THSD4: variants seen among roughly 807,000 people sequenced by gnomAD.
THSD4 encodes the protein thrombospondin type-1 domain-containing protein 4.
Under a neutral mutation model 119.0 loss-of-function variants are expected in THSD4, and 69 were observed. The observed-to-expected ratio is 0.58, with a 90% CI of 0.48 to 0.71. The LOEUF is 0.71. Among genes scored for constraint, THSD4 ranks in the 30% least tolerant of loss-of-function variants. THSD4 has a pLI of 0.00. For missense variants in THSD4, 1,393 were observed against 1,391.1 expected, an observed-to-expected ratio of 1.00 and a Z score of -0.02; for synonymous variants, 524 against 540.4, an observed-to-expected ratio of 0.97 and a Z score of 0.42.
intron 7 of THSD4, among the ~76,000 whole-genome samples, chr15:71,434,962 G>A (rs74022103): frequency 8.5e-5 from 13 of 152,232 alleles, no homozygotes; most frequent in African/African-American, 3.1e-4. Context: ...CTAAAGAGGT[G>A]CAAAGAAACA....
intron 3 of THSD4, among the ~76,000 whole-genome samples, chr15:71,190,648 G>T (rs529205108): frequency 6.6e-6 from 1 of 152,220 alleles, no homozygotes; most frequent in Non-Finnish European, 1.5e-5. Context: ...GCAGCCAAAG[G>T]CCTGTTGACA....
At chr15:71,558,662 G>A (rs1158750430) in intron 7 of THSD4, among the ~76,000 whole-genome samples, 3 of 151,880 alleles carry the variant, frequency 2.0e-5, no homozygotes, top group Non-Finnish European at 4.4e-5. Flanking sequence ...GTAGAGATGG[G>A]GTCTTTCTAT....
At chr15:71,677,555 T>C (rs531737906) in intron 8 of THSD4, among the ~76,000 whole-genome samples, 1 of 152,364 alleles carries the variant, frequency 6.6e-6, no homozygotes, top group East Asian at 1.9e-4. Flanking sequence ...AGGACAGCTC[T>C]GATGTCCTTG....
At chr15:71,371,162 C>T (rs921358008) in intron 6 of THSD4, among the ~76,000 whole-genome samples, 1 of 152,148 alleles carries the variant, frequency 6.6e-6, no homozygotes, top group Admixed American at 6.6e-5. Flanking sequence ...TATTTTGAGC[C>T]TATGTGTGTC....
At chr15:71,390,849 C>CTTTTTTTTTTTTTTTTT (rs1010882999) in intron 6 of THSD4, among the ~76,000 whole-genome samples, 3 of 90,880 alleles carry the variant, frequency 3.3e-5, no homozygotes, top group African/African-American at 1.3e-4. Flanking sequence ...TTGGCTAAAT[C>CTTTTTTTTTTTTTTTTT]TTTTTTTTTT....
chr15:71,405,622 C>T (rs2046595109), intron 6 of THSD4, among the ~76,000 whole-genome samples: 1 of 152,138 alleles, frequency 6.6e-6, no homozygotes, highest in Admixed American at 6.5e-5. Context: ...AAATATGAAT[C>T]CTCCAGCTGT....
At position 71,735,806 on chromosome 15, in the gene THSD4, G is replaced by C. The variant is rs369584733; in HGVS notation, c.1631-1926G>C. Among the ~76,000 whole-genome samples the C allele has an allele frequency of 3.2e-4, 40 of 123,714 alleles. No homozygotes were observed. In the East Asian group the frequency reaches 9.2e-3, roughly 29 times the overall value. The allele number at this position is 123,714 out of a possible 152,430, so 81.2% of individuals were successfully genotyped here. On this transcript the variant is annotated intron_variant, in intron 10 of 17. Coordinates refer to ENST00000261862, the MANE Select transcript of THSD4 (RefSeq NM_024817.3). Reference sequence around the variant, plus strand: ...TGTCTCTCCTGCTCTCTTGCTTTCTGTCTCTATCTCTCTGTCTCTCTTGCT... The same window carrying C: ...TGTCTCTCCTGCTCTCTTGCTTTCTCTCTCTATCTCTCTGTCTCTCTTGCT...
At chr15:71,652,323 G>A (rs1375111947) in intron 7 of THSD4, among the ~76,000 whole-genome samples, 3 of 152,084 alleles carry the variant, frequency 2.0e-5, no homozygotes, top group Admixed American at 2.0e-4. Flanking sequence ...GACATATTAT[G>A]ATCTCTTTAA....
In THSD4 at chr15:71,762,275, G is replaced by C. The variant is rs1359158911; in HGVS notation, c.2590-2745G>C. 2.0e-5 allele frequency among the ~76,000 whole-genome samples: 3 copies of C among 152,040 alleles called. No individual in the cohort carries two copies. In the South Asian group the frequency reaches 6.2e-4, roughly 32 times the overall value. ...ATTTACAGTAAGAGAAGGCTGAGAC[G>C]GGCTCATTCTCCCTGAAGTACACAA... On this transcript the variant is annotated intron_variant, in intron 15 of 17. Coordinates refer to ENST00000261862, the MANE Select transcript of THSD4 (RefSeq NM_024817.3).
intron 7 of THSD4, among the ~76,000 whole-genome samples, chr15:71,604,222 C>T (rs1279199201): frequency 6.6e-6 from 1 of 152,136 alleles, no homozygotes; most frequent in Non-Finnish European, 1.5e-5. Flanking sequence ...GACCCTCAGC[C>T]CAGACAGGTG....
At chr15:71,567,183 A>C (rs2049258526) in intron 7 of THSD4, among the ~76,000 whole-genome samples, 2 of 152,138 alleles carry the variant, frequency 1.3e-5, no homozygotes, top group Admixed American at 1.3e-4. Context: ...CGTTGCAATC[A>C]TGGTGTTTCC....
intron 6 of THSD4, among the ~76,000 whole-genome samples, chr15:71,410,390 G>C (rs1452232701): frequency 1.3e-5 from 2 of 152,184 alleles, no homozygotes; most frequent in African/African-American, 4.8e-5. Context: ...CAGATCCATG[G>C]AGGGCTTCCT....
chr15:71,350,929 G>A (rs1214738391), intron 6 of THSD4, among the ~76,000 whole-genome samples: 1 of 152,156 alleles, frequency 6.6e-6, no homozygotes, highest in Admixed American at 6.5e-5. Context: ...CCTTTAAGCT[G>A]ACCTGATACA....
At chr15:71,690,405 G>A (rs1447087934) in intron 8 of THSD4, among the ~76,000 whole-genome samples, 1 of 152,170 alleles carries the variant, frequency 6.6e-6, no homozygotes, top group Non-Finnish European at 1.5e-5. Context: ...TCACAAGGTC[G>A]TCTAGCAGAG....
At chr15:71,649,076 A>C (rs1448435583) in intron 7 of THSD4, among the ~76,000 whole-genome samples, 1 of 152,164 alleles carries the variant, frequency 6.6e-6, no homozygotes, top group Non-Finnish European at 1.5e-5. Context: ...AATTTTTGTT[A>C]AATTCTTTAA....
intron 6 of THSD4, among the ~76,000 whole-genome samples, chr15:71,259,207 A>T (rs972996770): frequency 1.3e-5 from 2 of 152,146 alleles, no homozygotes; most frequent in African/African-American, 4.8e-5. Context: ...GATTGGAGTG[A>T]TGCTTCTACA....
intron 4 of THSD4, among the ~76,000 whole-genome samples, chr15:71,233,484 AC>A (rs540006578): frequency 2.3e-4 from 35 of 152,136 alleles, no homozygotes; most frequent in Non-Finnish European, 4.6e-4. Context: ...TTTAAAAAAA[AC>A]ACACACGCAC....
At chr15:71,198,612 G>A (rs936060785) in intron 3 of THSD4, among the ~76,000 whole-genome samples, 4 of 152,192 alleles carry the variant, frequency 2.6e-5, no homozygotes, top group Non-Finnish European at 4.4e-5. Flanking sequence ...TGGCCTAGAG[G>A]GTGTTATGGG....
At chr15:71,154,834 T>A (rs756682133) in intron 2 of THSD4, 29 bp from the exon 3 acceptor site, 1 of 1,611,636 alleles carries the variant, frequency 6.2e-7, no homozygotes, top group Non-Finnish European at 8.5e-7. Flanking sequence ...ATACTCACCA[T>A]CCTGCCTGTT....
Sources: allele counts gnomAD v4.1 joint callset (sites outside exome capture counted in the v4.1 genomes callset), GRCh38; gene constraint gnomAD v4.1.1; transcripts MANE v1.5; gene names NCBI Gene and HGNC (gene_info 2026-07-23, HGNC 2026-07-21).